Variants in DNAH9 observed in about 807,000 individuals in gnomAD.
DNAH9 encodes the protein DNAH9 variant protein.
Under a neutral mutation model 471.6 loss-of-function variants are expected in DNAH9, and 345 were observed. The observed-to-expected ratio is 0.73, with a 90% CI of 0.67 to 0.80. The LOEUF is 0.80. Ranked by LOEUF, DNAH9 falls within the 30% of genes least tolerant of loss-of-function variation. DNAH9 has a pLI of 0.00. For synonymous variants in DNAH9, 2,093 were observed against 2,123.6 expected (o/e 0.99, Z 0.40); for missense variants, 5,407 against 5,609.2 (o/e 0.96, Z 1.15).
intron 45 of DNAH9, among the ~76,000 whole-genome samples, chr17:11,816,224 T>C (rs1207927937): frequency 6.6e-6 from 1 of 152,166 alleles, no homozygotes; most frequent in African/African-American, 2.4e-5. Flanking sequence ...TGTTGATTAA[T>C]TTACGTTATT....
At chr17:11,729,371 G>A (rs1001121636) in intron 28 of DNAH9, among the ~76,000 whole-genome samples, 18 of 152,132 alleles carry the variant, frequency 1.2e-4, no homozygotes, top group African/African-American at 4.3e-4. Flanking sequence ...AATCACAAGG[G>A]CACCATGTGA....
rs927382593 is a variant in DNAH9, at chr17:11,891,593, G to A, written c.11113-184G>A. 4.0e-5 allele frequency among the ~76,000 whole-genome samples: 6 copies of A among 150,652 alleles called. No homozygotes were observed. In the East Asian group the frequency reaches 5.9e-4, roughly 15 times the overall value. On this transcript the variant is annotated intron_variant, in intron 57 of 68. Coordinates refer to ENST00000262442, the MANE Select transcript of DNAH9 (RefSeq NM_001372.4). Reference sequence around the variant, plus strand: ...TTGGCCAGGCTGGTCTCAAACTCCCGACCTTAGGTGATCTGCCCACCTTGG... The same window carrying A: ...TTGGCCAGGCTGGTCTCAAACTCCCAACCTTAGGTGATCTGCCCACCTTGG...
At chr17:11,810,402 A>G (rs777616664) in intron 45 of DNAH9, 33 bp downstream of exon 45, 2 of 1,601,182 alleles carry the variant, frequency 1.2e-6, no homozygotes, top group Non-Finnish European at 1.7e-6. Context: ...TGTCACTGAT[A>G]AATTCCCCCT....
chr17:11,693,818 T>C (rs956860943), intron 20 of DNAH9, 50 bp from the exon 21 acceptor site: 2 of 1,610,330 alleles, frequency 1.2e-6, no homozygotes, highest in Non-Finnish European at 1.7e-6. Flanking sequence ...AGGGAGCTTC[T>C]AGGAACTGAG....
At chr17:11,834,132 C>A (rs1019106917) in intron 48 of DNAH9, among the ~76,000 whole-genome samples, 1 of 151,718 alleles carries the variant, frequency 6.6e-6, no homozygotes, top group African/African-American at 2.4e-5. Context: ...AGTTCAAGAC[C>A]AGCCTGACCA....
rs118160421 is a variant in DNAH9, at chr17:11,747,587, G to C, written c.6431G>C (p.Arg2144Pro). 2 of 1,613,930 alleles carry C rather than the reference G, an allele frequency of 1.2e-6. No individual in the cohort carries two copies. Among genetic ancestry groups the C allele is most frequent in the Admixed American group, 3.3e-5 (2 of 60,028 alleles). The part of the protein sequence containing the change: ...VVQLEELLAV[R>P]HSVFVVGGAG... The stretch of plus-strand genomic sequence containing the variant: ...CAGCTGGAGGAGCTCCTGGCTGTGC[G>C]GCACTCTGTATTTGTGGTGGGTGGC... The change falls in exon 32 of 69, where the codon CGG becomes CCG. Residue 2144 changes from arginine (R) to proline (P), a missense_variant. Around this residue, in one of 3 missense-constraint regions of DNAH9, gnomAD observed 4,636 missense variants for 4,900.3 expected, o/e 0.95. Transcript: ENST00000262442.
intron 23 of DNAH9, among the ~76,000 whole-genome samples, chr17:11,700,472 C>T (rs980987287): frequency 6.6e-6 from 1 of 152,148 alleles, no homozygotes; most frequent in Non-Finnish European, 1.5e-5. Context: ...GCCTCCTTCC[C>T]ATCCATTAGC....
intron 59 of DNAH9, among the ~76,000 whole-genome samples, chr17:11,897,021 T>C (rs1409730031): frequency 2.0e-5 from 3 of 152,114 alleles, no homozygotes; most frequent in African/African-American, 7.2e-5. Flanking sequence ...ACCTGGGAGG[T>C]GGAGGTTGAA....
chr17:11,884,635 A>C, intron 56 of DNAH9: 1 of 451,364 alleles, frequency 2.2e-6, no homozygotes, highest in Non-Finnish European at 4.5e-6. Flanking sequence ...ACCAGGTCAT[A>C]CCCACTCTGG....
At chr17:11,839,473 G>A (rs545652924) in intron 49 of DNAH9, among the ~76,000 whole-genome samples, 62 of 150,872 alleles carry the variant, frequency 4.1e-4, no homozygotes, top group African/African-American at 1.5e-3. Flanking sequence ...CCGAGATCGC[G>A]CCACTGCACT....
At position 11,696,830 on chromosome 17, in the gene DNAH9, G is replaced by T. The variant is rs142225621; in HGVS notation, c.4872+2383G>T. ...TGTATTTTTATTCATTCTGTGTTCA[G>T]ATCACTGCCAGATTTTTTTATATCT... is the stretch of plus-strand genomic sequence containing the variant. On this transcript the variant is annotated intron_variant, in intron 22 of 68. Transcript: ENST00000262442. Among the ~76,000 whole-genome samples, 602 of 152,136 alleles carry T rather than the reference G, an allele frequency of 4.0e-3. 5 individuals carry two copies. The highest frequency in any genetic ancestry group is 0.014 in the African/African-American group (569 of 41,508).
At chr17:11,646,745 T>C (rs1597429357) in intron 11 of DNAH9, among the ~76,000 whole-genome samples, 2 of 151,966 alleles carry the variant, frequency 1.3e-5, no homozygotes, top group Non-Finnish European at 2.9e-5. Flanking sequence ...GAAACCCCAT[T>C]TCTATTAAAA....
intron 38 of DNAH9, among the ~76,000 whole-genome samples, chr17:11,774,776 T>C (rs995429553): frequency 6.6e-6 from 1 of 152,290 alleles, no homozygotes; most frequent in Non-Finnish European, 1.5e-5. Flanking sequence ...TAGAATTCCA[T>C]TGTGTGAATA....
At chr17:11,746,584 A>T (rs1348810244) in intron 31 of DNAH9, among the ~76,000 whole-genome samples, 2 of 152,094 alleles carry the variant, frequency 1.3e-5, no homozygotes, top group Non-Finnish European at 2.9e-5. Flanking sequence ...AACTGCCCCC[A>T]TGATCCAACC....
Position 11,891,630 on chromosome 17 carries a change from ACT to A in DNAH9, c.11113-146_11113-145del, listed in dbSNP as rs61611580. On this transcript the variant is annotated intron_variant, in intron 57 of 68. Coordinates refer to ENST00000262442, the MANE Select transcript of DNAH9 (RefSeq NM_001372.4). ...TCTGCCCACCTTGGCCTCCCAAAGC[ACT>A]GTGATCACAGGCATGAGCCACCGTG... 0.68 allele frequency: 600,226 copies of A among 879,712 alleles called. 210,469 individuals carry two copies. The highest frequency in any genetic ancestry group is 0.73 in the Non-Finnish European group (427,760 of 586,970). 54.5% of individuals were successfully genotyped at this position (879,712 alleles called of 1,614,324 possible).
chr17:11,720,902 C>T (rs907038151), intron 27 of DNAH9, among the ~76,000 whole-genome samples: 2 of 152,128 alleles, frequency 1.3e-5, no homozygotes, highest in African/African-American at 2.4e-5. Context: ...CAGGCTGGAA[C>T]AGAAAGGTGG....
chr17:11,650,436 G>A (rs1021418816), intron 12 of DNAH9, among the ~76,000 whole-genome samples: 1 of 152,162 alleles, frequency 6.6e-6, no homozygotes, highest in Non-Finnish European at 1.5e-5. Context: ...TGCTGAATTT[G>A]GGACCCCACA....
At chr17:11,826,416 GA>G in intron 48 of DNAH9, among the ~76,000 whole-genome samples, 1 of 23,594 alleles carries the variant, frequency 4.2e-5, no homozygotes, top group South Asian at 1.1e-3. Flanking sequence ...AAATTACTAA[GA>G]TTACTAAGTT....
chr17:11,796,259 C>T (rs1219741536), intron 42 of DNAH9, among the ~76,000 whole-genome samples: 2 of 152,210 alleles, frequency 1.3e-5, no homozygotes, highest in Non-Finnish European at 2.9e-5. Flanking sequence ...TAAATGTCTT[C>T]CCACATTACA....
Sources: allele counts gnomAD v4.1 joint callset (sites outside exome capture counted in the v4.1 genomes callset), GRCh38; gene constraint gnomAD v4.1.1; regional missense constraint gnomAD v4.1.1; transcripts MANE v1.5; gene names NCBI Gene and HGNC (gene_info 2026-07-23, HGNC 2026-07-21).